AFF2: variants seen among roughly 807,000 people sequenced by gnomAD.
AFF2 encodes the protein AF4/FMR2 family member 2.
Under a neutral mutation model 76.9 loss-of-function variants are expected in AFF2, and 14 were observed. The observed-to-expected ratio is 0.18, with a 90% CI of 0.12 to 0.28. AFF2 has a LOEUF of 0.28. AFF2 is among the 10% of genes least tolerant of loss of function. The pLI, the probability that AFF2 is intolerant of heterozygous loss-of-function variation, is 1.00. For missense variants in AFF2, 868 were observed against 1,001.1 expected, an observed-to-expected ratio of 0.87 and a Z score of 1.79; for synonymous variants, 398 against 366.7, an observed-to-expected ratio of 1.09 and a Z score of -0.98.
chrX:148,785,434 A>G lies in AFF2; in HGVS notation c.1042-24442A>G, dbSNP rs1033448253. 2.7e-5 allele frequency among the ~76,000 whole-genome samples: 3 copies of G among 110,908 alleles called. No homozygotes were observed. In the South Asian group the frequency reaches 1.2e-3, roughly 43 times the overall value. On this transcript the variant is annotated intron_variant, in intron 3 of 20. Coordinates refer to ENST00000370460, the MANE Select transcript of AFF2 (RefSeq NM_002025.4). ...CTGCTGCCACATTTATACTTTACCT[A>G]TTTCCTCATTTCTTCACCCAGGTCG...
rs892711489 is a variant in AFF2, at chrX:148,995,961, C to G, written c.*4629C>G. ...GCTTTCAGCTGGGAATAGTTTGTTC[C>G]TATTGGGGAACTCATTGTTCTCCAG... On this transcript the variant is annotated 3_prime_UTR_variant, in exon 21 of 21. Coordinates refer to ENST00000370460, the MANE Select transcript of AFF2 (RefSeq NM_002025.4). The G allele has an allele frequency of 2.7e-5, 3 of 112,767 alleles. No individual in the cohort carries two copies. The highest frequency in any genetic ancestry group is 1.9e-4 in the Admixed American group (2 of 10,701). 9.3% of individuals were successfully genotyped at this position (112,767 alleles called of 1,213,427 possible).
At position 148,994,743 on chromosome X, in the gene AFF2, T is replaced by C. The variant is rs996836201; in HGVS notation, c.*3411T>C. ...TCTTCTAGCATATCTTTCCCAAAGA[T>C]ATCTAATTTGGATTCTGTTTCATGC... On this transcript the variant is annotated 3_prime_UTR_variant, in exon 21 of 21. Coordinates refer to ENST00000370460, the MANE Select transcript of AFF2 (RefSeq NM_002025.4). 3 of 112,538 alleles carry C rather than the reference T, an allele frequency of 2.7e-5. No individual in the cohort carries two copies. Among genetic ancestry groups the C allele is most frequent in the Non-Finnish European group, 5.6e-5 (3 of 53,303 alleles). 9.3% of individuals were successfully genotyped at this position (112,538 alleles called of 1,213,427 possible). A position where few individuals can be genotyped will look rare whatever the true frequency, so the allele number is the denominator to read the frequency against.
chrX:148,848,694 A>G (rs2070696933), intron 7 of AFF2, among the ~76,000 whole-genome samples: 1 of 112,455 alleles, frequency 8.9e-6, no homozygotes, highest in Non-Finnish European at 1.9e-5. Flanking sequence ...GGTACTTGGA[A>G]TTTAAAAATA....
At chrX:148,581,084 C>T (rs1210070566) in intron 1 of AFF2, among the ~76,000 whole-genome samples, 1 of 102,112 alleles carries the variant, frequency 9.8e-6, no homozygotes, top group Admixed American at 1.1e-4. Flanking sequence ...CACATATATA[C>T]ATATGTGTAT....
At chrX:148,675,273 G>A (rs953173093) in intron 3 of AFF2, among the ~76,000 whole-genome samples, 1 of 110,342 alleles carries the variant, frequency 9.1e-6, no homozygotes, top group Non-Finnish European at 1.9e-5. Flanking sequence ...GAAACACATG[G>A]GTTGATGGAG....
At chrX:148,785,881 G>A (rs1029595890) in intron 3 of AFF2, among the ~76,000 whole-genome samples, 12 of 111,690 alleles carry the variant, frequency 1.1e-4, no homozygotes, top group Non-Finnish European at 1.9e-4. Flanking sequence ...GGGAATCCAC[G>A]CAAATTGGCC....
At chrX:148,923,164 C>A (rs1261899906) in intron 9 of AFF2, among the ~76,000 whole-genome samples, 3 of 111,600 alleles carry the variant, frequency 2.7e-5, no homozygotes, top group Non-Finnish European at 5.6e-5. Context: ...AAAGTACGTG[C>A]ACATTTCTAA....
At chrX:148,987,945 C>G (rs2072493178) in intron 20 of AFF2, among the ~76,000 whole-genome samples, 1 of 111,731 alleles carries the variant, frequency 9.0e-6, no homozygotes, top group Non-Finnish European at 1.9e-5. Context: ...CTAAGGCCTT[C>G]AACCTTCAAT....
At chrX:148,567,894 T>G (rs146020971) in intron 1 of AFF2, among the ~76,000 whole-genome samples, 314 of 111,699 alleles carry the variant, frequency 2.8e-3, no homozygotes, top group Non-Finnish European at 4.8e-3. Flanking sequence ...CCAGTAGTGA[T>G]CAGGAGGAGC....
At chrX:148,811,036 G>A (rs1419460358) in intron 4 of AFF2, among the ~76,000 whole-genome samples, 10 of 111,142 alleles carry the variant, frequency 9.0e-5, no homozygotes, top group African/African-American at 2.0e-4. Flanking sequence ...GTACACATTC[G>A]TGCACCTGTT....
At chrX:148,727,194 T>A (rs1372575374) in intron 3 of AFF2, among the ~76,000 whole-genome samples, 1 of 106,763 alleles carries the variant, frequency 9.4e-6, no homozygotes, top group Non-Finnish European at 2.0e-5. Flanking sequence ...GATGGACAAA[T>A]TTTTTTTTTC....
At chrX:148,694,948 G>T (rs782467135) in intron 3 of AFF2, among the ~76,000 whole-genome samples, 2 of 107,437 alleles carry the variant, frequency 1.9e-5, no homozygotes, top group South Asian at 8.6e-4. Context: ...CCTGAGTAGT[G>T]GGGATTACAG....
chrX:148,764,043 G>C (rs1557267510), intron 3 of AFF2, among the ~76,000 whole-genome samples: 1 of 112,062 alleles, frequency 8.9e-6, no homozygotes, highest in East Asian at 2.8e-4. Flanking sequence ...TTTGGCACAA[G>C]CTTAATGAAA....
intron 1 of AFF2, among the ~76,000 whole-genome samples, chrX:148,535,954 A>G (rs1557236525): frequency 9.0e-6 from 1 of 111,069 alleles, no homozygotes; most frequent in Non-Finnish European, 1.9e-5. Context: ...CCATTCCCAC[A>G]TTTTTTCTTT....
At chrX:148,898,737 A>T (rs1557280588) in intron 8 of AFF2, among the ~76,000 whole-genome samples, 1 of 111,750 alleles carries the variant, frequency 8.9e-6, no homozygotes, top group African/African-American at 3.3e-5. Flanking sequence ...TGCCCAGAGC[A>T]TAATGTCCAG....
chrX:148,502,579 A>G (rs1266989148), intron 1 of AFF2, among the ~76,000 whole-genome samples: 1 of 112,886 alleles, frequency 8.9e-6, no homozygotes, highest in Non-Finnish European at 1.9e-5. Context: ...GTTACATTAA[A>G]AAATGCTGTT....
At chrX:148,707,268 C>T (rs2054896389) in intron 3 of AFF2, among the ~76,000 whole-genome samples, 2 of 110,843 alleles carry the variant, frequency 1.8e-5, no homozygotes, top group Non-Finnish European at 3.8e-5. Flanking sequence ...GAGTTGAAAT[C>T]GTTCTGCTTG....
intron 3 of AFF2, among the ~76,000 whole-genome samples, chrX:148,705,334 C>T (rs782223548): frequency 3.6e-5 from 4 of 112,172 alleles, no homozygotes; most frequent in Admixed American, 9.5e-5. Context: ...GTCAAGACCT[C>T]ATAGCAGAAG....
chrX:148,564,235 C>T (rs1557241249), intron 1 of AFF2, among the ~76,000 whole-genome samples: 2 of 110,698 alleles, frequency 1.8e-5, no homozygotes, highest in African/African-American at 6.6e-5. Context: ...GAATTCAATC[C>T]CAGATAAGTT....
Sources: allele counts gnomAD v4.1 joint callset (sites outside exome capture counted in the v4.1 genomes callset), GRCh38; gene constraint gnomAD v4.1.1; transcripts MANE v1.5; gene names NCBI Gene and HGNC (gene_info 2026-07-23, HGNC 2026-07-21).